TTN: variants seen among roughly 807,000 people sequenced by gnomAD.
The protein encoded by TTN is connectin.
TTN carries 1,525 observed loss-of-function variants against 3,223.0 expected under a neutral mutation model. The ratio of observed to expected loss-of-function variants is 0.47; its 90% CI spans 0.45 to 0.49. The LOEUF is 0.49. Ranked by LOEUF, TTN falls within the 20% of genes least tolerant of loss-of-function variation. TTN has a pLI of 0.00. For missense variants in TTN, 40,786 were observed against 43,424.0 expected (o/e 0.94, Z 5.40); for synonymous variants, 14,094 against 15,161.0 (o/e 0.93, Z 5.17).
chr2:178,583,347 AT>A, intron 312 of TTN, 120 bp from the exon 313 acceptor site: 1 of 1,051,026 alleles, frequency 9.5e-7, no homozygotes, highest in Non-Finnish European at 1.3e-6. Flanking sequence ...GTGTTATTTC[AT>A]TTTGTTTATT....
chr2:178,754,245 T>C (rs1020257072), intron 46 of TTN, among the ~76,000 whole-genome samples: 1 of 152,174 alleles, frequency 6.6e-6, no homozygotes, highest in Non-Finnish European at 1.5e-5. Flanking sequence ...CTGTAGCCTA[T>C]ATGAACTTAT....
Position 178,580,581 on chromosome 2 carries a change from G to A in TTN, c.66798C>T (p.Asp22266=), listed in dbSNP as rs1380514691. 1.9e-6 allele frequency: 3 copies of A among 1,611,292 alleles called. No homozygotes were observed. The East Asian group carries it at 6.7e-5, about 36-fold the overall frequency. ...LIPPEGELDA[D]LRKTLILRAG... is the part of the protein sequence containing the mutation. Reference sequence around the variant, plus strand: ...CACGTAATATGAGTGTCTTCCTTAAGTCCGCATCAAGTTCTCCCTCAGGTG... The same window carrying A: ...CACGTAATATGAGTGTCTTCCTTAAATCCGCATCAAGTTCTCCCTCAGGTG... Residue 22266 remains aspartate (D), a synonymous_variant, in exon 317 of 363, where the codon GAC becomes GAT. Coordinates refer to ENST00000589042, the MANE Select transcript of TTN (RefSeq NM_001267550.2).
Position 178,526,455 on chromosome 2 carries a change from A to G in TTN, c.*557T>C, listed in dbSNP as rs1454657104. 6.6e-6 allele frequency: 1 copy of G among 152,660 alleles called. No homozygotes were observed. Among genetic ancestry groups the G allele is most frequent in the Non-Finnish European group, 1.5e-5 (1 of 68,060 alleles). The allele number at this position is 152,660 out of a possible 1,614,324, so 9.5% of individuals were successfully genotyped here. A position where few individuals can be genotyped will look rare whatever the true frequency, so the allele number is the denominator to read the frequency against. On this transcript the variant is annotated 3_prime_UTR_variant, in exon 363 of 363. Coordinates refer to ENST00000589042, the MANE Select transcript of TTN (RefSeq NM_001267550.2). ...TGTCATGATAATTTTGTGTGACATC[A>G]TCAGAGAAAATGTAAGACGTTAAAG...
rs771457393 is a variant in TTN at position 178,729,325 on chromosome 2, G to T, written c.18831C>A (p.Gly6277=). 6.2e-7 allele frequency: 1 copy of T among 1,612,158 alleles called. No homozygotes were observed. The highest frequency in any genetic ancestry group is 8.5e-7 in the Non-Finnish European group (1 of 1,178,546). Residue 6277 remains glycine, a synonymous_variant, in exon 64 of 363, where the codon GGC becomes GGA. Transcript: ENST00000589042. ...CTCTAGTACTGCATGAGCAGCTGCCGCCTTCATTGGATACAATGCACTGGT... is the reference window on the plus strand; with the variant it reads ...CTCTAGTACTGCATGAGCAGCTGCCTCCTTCATTGGATACAATGCACTGGT... ...GEYQCIVSNE[G]GSCSCSTRVA...
At position 178,727,216 on chromosome 2, in the gene TTN, T is replaced by A. The variant is rs1468330606; in HGVS notation, c.20149A>T (p.Thr6717Ser). ...ATGACGGCCACTGAGTCAATGAAAG[T>A]CATTCTGTACTTATCACTGGCTGGA... ...ELPASDKYRM[T>S]FIDSVAVIQM... Residue 6717 changes from threonine (T) to serine (S), a missense_variant, in exon 69 of 363, where the codon ACT becomes TCT. By Grantham distance (58) the Thr-to-Ser change is moderately conservative. Transcript: ENST00000589042. The A allele has an allele frequency of 3.7e-6, 6 of 1,613,254 alleles. No homozygotes were observed. Among genetic ancestry groups the A allele is most frequent in the Non-Finnish European group, 5.1e-6 (6 of 1,179,460 alleles).
In TTN at chr2:178,568,920, G is replaced by T; in HGVS notation, c.77212C>A (p.Gln25738Lys). The T allele has an allele frequency of 6.2e-7, 1 of 1,613,328 alleles. No individual in the cohort carries two copies. The highest frequency in any genetic ancestry group is 1.3e-5 in the African/African-American group (1 of 74,992). ...SKIIQYIVEMQAKHSEKWSEC... is the reference protein window; with the variant it reads ...SKIIQYIVEMKAKHSEKWSEC... The stretch of plus-strand genomic sequence containing the variant: ...GACCATTTCTCACTGTGTTTAGCTT[G>T]CATTTCCACAATATACTGAATGATT... Residue 25738 changes from glutamine (Q) to lysine (K), a missense_variant, in exon 326 of 363, where the codon CAA becomes AAA. Physicochemically the swap from Gln to Lys is moderately conservative, Grantham distance 53. Coordinates refer to ENST00000589042, the MANE Select transcript of TTN (RefSeq NM_001267550.2).
chr2:178,637,226 T>C lies in TTN; in HGVS notation c.40927+143A>G, dbSNP rs2742324. On this transcript the variant is annotated intron_variant, in intron 224 of 362. Transcript: ENST00000589042. Reference sequence around the variant, plus strand: ...AATACTAAAAGTATTATTTGAAATATCAGAAAACATGCTAGTTTTAGTAGA... The same window carrying C: ...AATACTAAAAGTATTATTTGAAATACCAGAAAACATGCTAGTTTTAGTAGA... The C allele has an allele frequency of 0.022, 6,208 of 286,918 alleles. 138 individuals carry two copies. Among genetic ancestry groups the C allele is most frequent in the East Asian group, 0.072 (985 of 13,600 alleles). The allele number at this position is 286,918 out of a possible 1,614,324, so 17.8% of individuals were successfully genotyped here. A position where few individuals can be genotyped will look rare whatever the true frequency, so the allele number is the denominator to read the frequency against.
intron 121 of TTN, 113 bp from the exon 122 acceptor site, chr2:178,690,009 T>G: frequency 2.5e-6 from 2 of 808,924 alleles, no homozygotes; most frequent in Admixed American, 2.4e-5. Context: ...GGATTATCTA[T>G]GCATCAGCAA....
chr2:178,544,315 C>T lies in TTN; in HGVS notation c.95914G>A (p.Val31972Met), dbSNP rs745900975. 2.5e-6 allele frequency: 4 copies of T among 1,613,770 alleles called. No individual in the cohort carries two copies. In the East Asian group the frequency reaches 8.9e-5, roughly 36 times the overall value. ...TTCTGGCCCATTTTAAGGTCTGGCA[C>T]AGTGAATTCAGTATTTCTTATTGTG... is the stretch of plus-strand genomic sequence containing the variant. ...NATIRNTEFT[V>M]PDLKMGQKYS... is the part of the protein sequence containing the mutation. The change falls in exon 345 of 363, where the codon GTG (valine) becomes ATG (methionine). Residue 31972 changes from valine to methionine, a missense_variant. Val to Met is a conservative substitution (Grantham distance 21). Transcript: ENST00000589042.
At chr2:178,610,652 T>C (rs1302161236) in intron 270 of TTN, among the ~76,000 whole-genome samples, 1 of 151,878 alleles carries the variant, frequency 6.6e-6, no homozygotes, top group Non-Finnish European at 1.5e-5. Flanking sequence ...ATGCAGAAAA[T>C]GTTACTATCC....
At position 178,758,992 on chromosome 2, in the gene TTN, C is replaced by G. The variant is rs1392831001; in HGVS notation, c.10295G>C (p.Ser3432Thr). 1 of 1,613,888 alleles carries G rather than the reference C, an allele frequency of 6.2e-7. No individual in the cohort carries two copies. The highest frequency in any genetic ancestry group is 1.3e-5 in the African/African-American group (1 of 74,914). The change falls in exon 44 of 363, where the codon AGT becomes ACT. Residue 3432 changes from serine (S) to threonine (T), a missense_variant. Coordinates refer to ENST00000589042, the MANE Select transcript of TTN (RefSeq NM_001267550.2). ...VGQVSSTANL[S>T]LEGFSKFEEN... ...AAGTTGTTTTACTTTACCTTCCAGA[C>G]TCAGGTTGGCTGTGCTTGATACTTG...
Position 178,631,113 on chromosome 2 carries a change from C to T in TTN, c.43935G>A (p.Lys14645=). Residue 14645 remains lysine, a synonymous_variant, in exon 237 of 363, where the codon AAG becomes AAA. Coordinates refer to ENST00000589042, the MANE Select transcript of TTN (RefSeq NM_001267550.2). ...GTCCAATATCTGATTTCAAGGCTTTCTTTAGGATTAGCATGCGTTTCTTGC... is the reference window on the plus strand; with the variant it reads ...GTCCAATATCTGATTTCAAGGCTTTTTTTAGGATTAGCATGCGTTTCTTGC... The part of the protein sequence containing the change: ...ADGKKRMLIL[K]KALKSDIGQY... 5.0e-6 allele frequency: 8 copies of T among 1,613,322 alleles called. No individual in the cohort carries two copies. Among genetic ancestry groups the T allele is most frequent in the Non-Finnish European group, 6.8e-6 (8 of 1,179,590 alleles).
rs765570520 is a variant in TTN at position 178,686,113 on chromosome 2, A to ATTTTTTTTTTTTTTTTTT, written c.32312-533_32312-516dup. ...TTGAGCCTAAGTGTATACAGTTTTA[A>ATTTTTTTTTTTTTTTTTT]TTTTTTTTTTTTTTTTTTTTTTTTT... is the stretch of plus-strand genomic sequence containing the variant. On this transcript the variant is annotated intron_variant, in intron 127 of 362. Coordinates refer to ENST00000589042, the MANE Select transcript of TTN (RefSeq NM_001267550.2). 1.5e-4 allele frequency among the ~76,000 whole-genome samples: 12 copies of ATTTTTTTTTTTTTTTTTT among 77,800 alleles called. 1 individual carries two copies. Among genetic ancestry groups the ATTTTTTTTTTTTTTTTTT allele is most frequent in the African/African-American group, 6.6e-4 (10 of 15,088 alleles). The allele number at this position is 77,800 out of a possible 152,430, so 51.0% of individuals were successfully genotyped here. A position where few individuals can be genotyped will look rare whatever the true frequency, so the allele number is the denominator to read the frequency against.
Position 178,715,605 on chromosome 2 carries a change from C to T in TTN, c.25809G>A (p.Ser8603=), listed in dbSNP as rs369099681. Residue 8603 remains serine (S), a synonymous_variant, in exon 89 of 363, where the codon TCG becomes TCA. Coordinates refer to ENST00000589042, the MANE Select transcript of TTN (RefSeq NM_001267550.2). The part of the protein sequence containing the change: ...SSKFRMSFVD[S]VAVLEMHNLS... ...GATTGTGCATTTCCAGCACAGCCAC[C>T]GAGTCAACGAATGACATTCTGAATT... 119 of 1,613,596 alleles carry T rather than the reference C, an allele frequency of 7.4e-5. No individual in the cohort carries two copies. The highest frequency in any genetic ancestry group is 7.1e-4 in the African/African-American group (53 of 74,992).
chr2:178,788,679 G>A (rs895257893), intron 13 of TTN, among the ~76,000 whole-genome samples: 7 of 152,070 alleles, frequency 4.6e-5, no homozygotes, highest in African/African-American at 1.7e-4. Flanking sequence ...GTAAATGACA[G>A]AGTCATGGGA....
chr2:178,551,678 T>G lies in TTN; in HGVS notation c.91222A>C (p.Ser30408Arg). The G allele has an allele frequency of 6.2e-7, 1 of 1,611,130 alleles. No homozygotes were observed. The highest frequency in any genetic ancestry group is 8.5e-7 in the Non-Finnish European group (1 of 1,177,928). Residue 30408 changes from serine to arginine, a missense_variant, in exon 335 of 363, where the codon AGC becomes CGC. Coordinates refer to ENST00000589042, the MANE Select transcript of TTN (RefSeq NM_001267550.2). ...RVYAENSAGLSSPSDPSKFTL... is the reference protein window; with the variant it reads ...RVYAENSAGLRSPSDPSKFTL... ...AATTTGCTTGGGTCACTAGGTGAGC[T>G]TAGGCCAGCAGAATTTTCAGCATAT...
At position 178,563,467 on chromosome 2, in the gene TTN, A is replaced by G. The variant is rs1247055305; in HGVS notation, c.82665T>C (p.Pro27555=). 1 of 1,613,664 alleles carries G rather than the reference A, an allele frequency of 6.2e-7. No individual in the cohort carries two copies. Among genetic ancestry groups the G allele is most frequent in the Non-Finnish European group, 8.5e-7 (1 of 1,179,726 alleles). ...CACGGTAGAAAACAGATGGCTCACT[A>G]GGTTCTCCCACACCAGCTGCATTTT... ...AAENAAGVGE[P]SEPSVFYRAC... Residue 27555 remains proline, a synonymous_variant, in exon 326 of 363, where the codon CCT becomes CCC. Transcript: ENST00000589042. This position sits in a 1 kb window ranked among gnomAD's most constrained non-coding sequence, Gnocchi z 4.5.
rs778618339 is a variant in TTN at position 178,543,462 on chromosome 2, C to T, written c.96511G>A (p.Glu32171Lys). 1 of 1,613,788 alleles carries T rather than the reference C, an allele frequency of 6.2e-7. No homozygotes were observed. The highest frequency in any genetic ancestry group is 8.5e-7 in the Non-Finnish European group (1 of 1,179,786). Residue 32171 changes from glutamate to lysine, a missense_variant, in exon 347 of 363, where the codon GAA (glutamate) becomes AAA (lysine). By Grantham distance (56) the Glu-to-Lys change is moderately conservative. Transcript: ENST00000589042. Reference sequence around the variant, plus strand: ...ACTCTGAAATAGTACATGGTTCCTTCTACAAGTCCAGAAATTCTGTAAAGT... The same window carrying T: ...ACTCTGAAATAGTACATGGTTCCTTTTACAAGTCCAGAAATTCTGTAAAGT... ...KTLYRISGLV[E>K]GTMYYFRVLP...
At position 178,636,900 on chromosome 2, in the gene TTN, G is replaced by A. The variant is rs1447620749; in HGVS notation, c.40928-101C>T. 7.4e-7 allele frequency: 1 copy of A among 1,343,676 alleles called. No individual in the cohort carries two copies. The highest frequency in any genetic ancestry group is 9.9e-7 in the Non-Finnish European group (1 of 1,012,146). The allele number at this position is 1,343,676 out of a possible 1,614,324, so 83.2% of individuals were successfully genotyped here. ...GATAAAACCAGCCGTAAAGCAATTA[G>A]AAGACGAGAAAACTAAAGACCAGGC... is the stretch of plus-strand genomic sequence containing the variant. On this transcript the variant is annotated intron_variant, in intron 224 of 362. Transcript: ENST00000589042. The surrounding 1 kb of genome is among the most constrained non-coding windows in gnomAD (Gnocchi z 4.3).
Sources: gnomAD v4.1 joint callset for allele counts (sites outside exome capture counted in the v4.1 genomes callset) on GRCh38, gnomAD v4.1.1 for gene constraint, Gnocchi (gnomAD v3.1) non-coding constraint, MANE v1.5 for transcripts, NCBI Gene and HGNC (gene_info 2026-07-23, HGNC 2026-07-21) for gene names.